BAHCC1: variants seen among roughly 807,000 people sequenced by gnomAD.
BAHCC1 encodes the protein BAH domain and coiled-coil containing 1.
In BAHCC1, 43 loss-of-function variants were observed where a neutral mutation model predicts 88.2. That is an observed-to-expected ratio of 0.49 (90% CI 0.38 to 0.63). The LOEUF is 0.63. BAHCC1 is among the 20% of genes least tolerant of loss of function. The pLI is 0.00. For synonymous variants in BAHCC1, 1,510 were observed against 745.5 expected (o/e 2.03, Z -16.71); for missense variants, 3,023 against 1,654.8 (o/e 1.83, Z -14.34).
chr17:81,432,172 G>A (rs2064268000), intron 3 of BAHCC1, among the ~76,000 whole-genome samples: 1 of 152,188 alleles, frequency 6.6e-6, no homozygotes, highest in Non-Finnish European at 1.5e-5. Flanking sequence ...GCTGTCCACT[G>A]CTGGGGCCAG....
At position 81,435,031 on chromosome 17, in the gene BAHCC1, C is replaced by T. The variant is rs896547211; in HGVS notation, c.359-3339C>T. Among the ~76,000 whole-genome samples, 7 of 151,956 alleles carry T rather than the reference C, an allele frequency of 4.6e-5. No individual in the cohort carries two copies. The highest frequency in any genetic ancestry group is 5.9e-5 in the Non-Finnish European group (4 of 67,948). On this transcript the variant is annotated intron_variant, in intron 3 of 27. Coordinates refer to ENST00000675386, the MANE Select transcript of BAHCC1 (RefSeq NM_001377448.1). The surrounding 1 kb of genome is among the most constrained non-coding windows in gnomAD (Gnocchi z 4.4). ...AAGGAAGGGTCCCCTCACCCCTGGC[C>T]GTCCCCAGCCCCCATTTCTCTGCAC...
rs1555656989 is a variant in BAHCC1 at position 81,455,293 on chromosome 17, T to C, written c.4472T>C (p.Leu1491Pro). Residue 1491 changes from leucine (L) to proline (P), a missense_variant, in exon 15 of 28, where the codon CTG becomes CCG. By Grantham distance (98) the Leu-to-Pro change is moderately conservative. Transcript: ENST00000675386. ...GCGGTGCGGACAAGCCTGGGTCTGC[T>C]GTGTGCGGAGCTGCGAGGAGGCAGT... is the stretch of plus-strand genomic sequence containing the variant. ...VKAVRTSLGL[L>P]CAELRGGSGG... 4 of 717,076 alleles carry C rather than the reference T, an allele frequency of 5.6e-6. No individual in the cohort carries two copies. In the Admixed American group the frequency reaches 6.0e-5, roughly 11 times the overall value. 44.4% of individuals were successfully genotyped at this position (717,076 alleles called of 1,614,324 possible).
In BAHCC1 at chr17:81,461,867, G is replaced by A. The variant is rs782237430; in HGVS notation, c.7204G>A (p.Ala2402Thr). The change falls in exon 26 of 28, where the codon GCG becomes ACG. Residue 2402 changes from alanine to threonine, a missense_variant. Coordinates refer to ENST00000675386, the MANE Select transcript of BAHCC1 (RefSeq NM_001377448.1). ...LSRATVAGTG[A>T]GSGPSSSSKS... ...CAGGGCCACGGTGGCTGGCACCGGTGCGGGCTCAGGCCCCAGCAGCAGCAG... is the reference window on the plus strand; with the variant it reads ...CAGGGCCACGGTGGCTGGCACCGGTACGGGCTCAGGCCCCAGCAGCAGCAG... 7 of 723,046 alleles carry A rather than the reference G, an allele frequency of 9.7e-6. No homozygotes were observed. Among genetic ancestry groups the A allele is most frequent in the Non-Finnish European group, 1.8e-5 (7 of 388,880 alleles). 44.8% of individuals were successfully genotyped at this position (723,046 alleles called of 1,614,324 possible).
chr17:81,409,791 A>G (rs2063926417), intron 2 of BAHCC1, among the ~76,000 whole-genome samples: 1 of 152,178 alleles, frequency 6.6e-6, no homozygotes, highest in Non-Finnish European at 1.5e-5. Context: ...GCACCTCCCC[A>G]GCAGGCTGGG....
At chr17:81,426,141 TA>T (rs2064194577) in intron 2 of BAHCC1, among the ~76,000 whole-genome samples, 1 of 126,074 alleles carries the variant, frequency 7.9e-6, no homozygotes, top group South Asian at 2.6e-4. Flanking sequence ...TTGGTGGTGA[TA>T]GTGGTGGGTG....
intron 2 of BAHCC1, among the ~76,000 whole-genome samples, chr17:81,416,039 CGCATGTGTGCGT>C (rs2064017515): frequency 7.2e-6 from 1 of 138,744 alleles, no homozygotes; most frequent in African/African-American, 2.8e-5. Context: ...TGGGTGTATG[CGCATGTGTGCGT>C]GTGTGTCCAT....
At chr17:81,401,943 G>C (rs965358393) in intron 2 of BAHCC1, 3 of 152,306 alleles carry the variant, frequency 2.0e-5, no homozygotes, top group Non-Finnish European at 2.9e-5. Flanking sequence ...GCGCCTGGTC[G>C]GGTGGCCTAG....
intron 3 of BAHCC1, among the ~76,000 whole-genome samples, chr17:81,428,552 C>G (rs889322291): frequency 0.02 from 3,044 of 152,314 alleles, 110 homozygotes; most frequent in African/African-American, 0.069. Flanking sequence ...CCCCAATGCT[C>G]TCTGCACCAG....
Position 81,442,310 on chromosome 17 carries a change from G to A in BAHCC1, c.961G>A (p.Ala321Thr). The change falls in exon 5 of 28, where the codon GCA becomes ACA. Residue 321 changes from alanine (A) to threonine (T), a missense_variant. By Grantham distance (58) the Ala-to-Thr change is moderately conservative (BLOSUM62 0). Coordinates refer to ENST00000675386, the MANE Select transcript of BAHCC1 (RefSeq NM_001377448.1). ...GTGVVTSGRC[A>T]KEAAGPPEPG... The stretch of plus-strand genomic sequence containing the variant: ...GGGGGTGGTGACCTCCGGGCGCTGT[G>A]CAAAGGAGGCAGCAGGCCCCCCGGA... 1 of 664,958 alleles carries A rather than the reference G, an allele frequency of 1.5e-6. No homozygotes were observed. The highest frequency in any genetic ancestry group is 1.8e-5 in the African/African-American group (1 of 55,096). 41.2% of individuals were successfully genotyped at this position (664,958 alleles called of 1,614,324 possible). A position where few individuals can be genotyped will look rare whatever the true frequency, so the allele number is the denominator to read the frequency against.
At chr17:81,406,833 C>A in intron 2 of BAHCC1, 1 of 454,546 alleles carries the variant, frequency 2.2e-6, no homozygotes, top group South Asian at 1.6e-5. Context: ...TGCAGCGAGC[C>A]TCGGGTCTGG....
At chr17:81,429,798 TG>T (rs2064239714) in intron 3 of BAHCC1, among the ~76,000 whole-genome samples, 2 of 152,076 alleles carry the variant, frequency 1.3e-5, no homozygotes, top group South Asian at 4.1e-4. Flanking sequence ...TAGGCCAGGG[TG>T]GGGCAGGCCA....
At position 81,459,183 on chromosome 17, in the gene BAHCC1, T is replaced by C. The variant is rs2030019720; in HGVS notation, c.5720+15T>C. On this transcript the variant is annotated intron_variant, in intron 21 of 27. Transcript: ENST00000675386. ...CCACCCGACATGTGAGGCCTGGGCA[T>C]GGTGGGGCAGGGCAGGGGCCTGGAG... 2 of 768,786 alleles carry C rather than the reference T, an allele frequency of 2.6e-6. No homozygotes were observed. Among genetic ancestry groups the C allele is most frequent in the East Asian group, 4.9e-5 (2 of 40,718 alleles). The allele number at this position is 768,786 out of a possible 1,614,324, so 47.6% of individuals were successfully genotyped here.
intron 2 of BAHCC1, among the ~76,000 whole-genome samples, chr17:81,408,623 T>C (rs1047857435): frequency 2.1e-4 from 32 of 152,148 alleles, no homozygotes; most frequent in Non-Finnish European, 3.4e-4. Context: ...CCCCGACTGC[T>C]CCATGCCCAC....
intron 2 of BAHCC1, among the ~76,000 whole-genome samples, chr17:81,425,172 TGGTGATAGTGGTG>T (rs2064165405): frequency 3.2e-5 from 2 of 62,914 alleles, no homozygotes; most frequent in Non-Finnish European, 2.8e-5. Flanking sequence ...TTGTGGTTGG[TGGTGATAGTGGTG>T]GGTGATGTGG....
At chr17:81,460,190 C>T in intron 23 of BAHCC1, 87 bp from the exon 24 acceptor site, 1 of 683,390 alleles carries the variant, frequency 1.5e-6, no homozygotes, top group Admixed American at 2.1e-5. Context: ...CTCCCCTCAC[C>T]CTCCCCACCG....
rs1471442 is a variant in BAHCC1 at position 81,462,698 on chromosome 17, C to G, written c.7384-42C>G. 4 of 717,160 alleles carry G rather than the reference C, an allele frequency of 5.6e-6. No individual in the cohort carries two copies. The East Asian group carries it at 9.8e-5, about 18-fold the overall frequency. The allele number at this position is 717,160 out of a possible 1,614,324, so 44.4% of individuals were successfully genotyped here. A position where few individuals can be genotyped will look rare whatever the true frequency, so the allele number is the denominator to read the frequency against. The stretch of plus-strand genomic sequence containing the variant: ...TCCTGGCCGCCACCTGTCCCCACAG[C>G]CCCCCGGCCTCTCAGAGCCACCCTG... On this transcript the variant is annotated intron_variant, in intron 26 of 27. Coordinates refer to ENST00000675386, the MANE Select transcript of BAHCC1 (RefSeq NM_001377448.1).
Position 81,399,676 on chromosome 17 carries a change from C to T in BAHCC1, c.-64C>T, listed in dbSNP as rs1372258089. On this transcript the variant is annotated 5_prime_UTR_variant, in exon 2 of 28. Coordinates refer to ENST00000675386, the MANE Select transcript of BAHCC1 (RefSeq NM_001377448.1). This position sits in a 1 kb window ranked among gnomAD's most constrained non-coding sequence, Gnocchi z 4.5. ...GCCTCTGCGCCGCCCGCGCGCCGAGCCGCCCCCGGGCCCCGGCCGCGCTGC... is the reference window on the plus strand; with the variant it reads ...GCCTCTGCGCCGCCCGCGCGCCGAGTCGCCCCCGGGCCCCGGCCGCGCTGC... The T allele has an allele frequency of 4.1e-6, 4 of 968,406 alleles. No individual in the cohort carries two copies. The highest frequency in any genetic ancestry group is 4.9e-6 in the Non-Finnish European group (4 of 814,388). The allele number at this position is 968,406 out of a possible 1,614,324, so 60.0% of individuals were successfully genotyped here. A position where few individuals can be genotyped will look rare whatever the true frequency, so the allele number is the denominator to read the frequency against.
Position 81,456,329 on chromosome 17 carries a change from G to A in BAHCC1, c.4602G>A (p.Gln1534=), listed in dbSNP as rs1413922314. 3 of 721,972 alleles carry A rather than the reference G, an allele frequency of 4.2e-6. No individual in the cohort carries two copies. The East Asian group carries it at 7.9e-5, about 19-fold the overall frequency. The allele number at this position is 721,972 out of a possible 1,614,324, so 44.7% of individuals were successfully genotyped here. A position where few individuals can be genotyped will look rare whatever the true frequency, so the allele number is the denominator to read the frequency against. ...CGCAGTGTAAGAAGAGCAGCTGTCA[G>A]GGCGGGCTGGCGCCCTCCGTGGCCC... The part of the protein sequence containing the change: ...EKAQCKKSSC[Q]GGLAPSVAHR... Residue 1534 remains glutamine, a synonymous_variant, in exon 16 of 28, where the codon CAG becomes CAA. Coordinates refer to ENST00000675386, the MANE Select transcript of BAHCC1 (RefSeq NM_001377448.1).
intron 23 of BAHCC1, 132 bp downstream of exon 23, chr17:81,459,736 T>A: frequency 6.6e-6 from 2 of 304,704 alleles, no homozygotes; most frequent in Admixed American, 4.2e-5. Context: ...AGTACGACAA[T>A]AAAATGAGCT....
Sources: allele counts gnomAD v4.1 joint callset (sites outside exome capture counted in the v4.1 genomes callset), GRCh38; gene constraint gnomAD v4.1.1; non-coding constraint Gnocchi (gnomAD v3.1); transcripts MANE v1.5; gene names NCBI Gene and HGNC (gene_info 2026-07-23, HGNC 2026-07-21).